The following BCL7C variants were observed in gnomAD, a reference collection of about 807,000 sequenced individuals.
The protein encoded by BCL7C is BAF chromatin remodeling complex subunit BCL7C.
Under a neutral mutation model 26.2 loss-of-function variants are expected in BCL7C, and 8 were observed. That is an observed-to-expected ratio of 0.30 (90% CI 0.18 to 0.55). The LOEUF is 0.55. Among genes scored for constraint, BCL7C ranks in the 20% least tolerant of loss-of-function variants. The pLI, the probability that BCL7C is intolerant of heterozygous loss-of-function variation, is 0.93. For missense variants in BCL7C, 262 were observed against 298.5 expected (o/e 0.88, Z 0.90); for synonymous variants, 90 against 116.5 (o/e 0.77, Z 1.47).
chr16:30,888,808 GATCCCCC>G (rs1260289656), intron 5 of BCL7C, 45 bp downstream of exon 5: 1 of 1,567,874 alleles, frequency 6.4e-7, no homozygotes, highest in Admixed American at 1.7e-5. Flanking sequence ...CGACTGCCCA[GATCCCCC>G]ATTCCCTCCA....
rs868404480 is a variant in BCL7C, at chr16:30,893,672, C to T, written c.92+181G>A. On this transcript the variant is annotated intron_variant, in intron 1 of 5. Coordinates refer to ENST00000215115, the MANE Select transcript of BCL7C (RefSeq NM_004765.4). The surrounding 1 kb of genome is among the most constrained non-coding windows in gnomAD (Gnocchi z 5.2). ...TCTGGGAGGACACGGCTGGGGATCA[C>T]GCTTTGTAGACCCCCAGGAGTAGCC... 6.6e-6 allele frequency among the ~76,000 whole-genome samples: 1 copy of T among 152,060 alleles called. No homozygotes were observed. The highest frequency in any genetic ancestry group is 2.4e-5 in the African/African-American group (1 of 41,416).
At position 30,872,606 on chromosome 16, in the gene BCL7C, T is replaced by C. The variant is rs964613899; in HGVS notation, c.528+16254A>G. Among the ~76,000 whole-genome samples, 12 of 152,246 alleles carry C rather than the reference T, an allele frequency of 7.9e-5. No homozygotes were observed. The South Asian group carries it at 2.1e-3, about 26-fold the overall frequency. On this transcript the variant is annotated intron_variant, in intron 5 of 5. Coordinates refer to the BCL7C transcript ENST00000380317. ...GTCATAAATTGTTTCATAGAAATAT[T>C]TGAATATTTGTTAGAAGAGGTACCC... is the stretch of plus-strand genomic sequence containing the variant.
chr16:30,878,446 G>A (rs1659906763), intron 5 of BCL7C, among the ~76,000 whole-genome samples: 1 of 151,548 alleles, frequency 6.6e-6, no homozygotes, highest in African/African-American at 2.4e-5. Flanking sequence ...GGCTGAGGCA[G>A]GAGAATCACT....
chr16:30,892,664 TG>T lies in BCL7C; in HGVS notation c.363del (p.Ser122AlafsTer31). 1 of 1,613,758 alleles carries T rather than the reference TG, an allele frequency of 6.2e-7. No individual in the cohort carries two copies. On this transcript the variant is annotated frameshift_variant, in exon 4 of 6. Transcript: ENST00000215115. LOFTEE classifies it high-confidence loss of function. ...GGTCCGGCAGGTGACACAGGGCGGCTGGGCTGGGGGGTGCCCCCAGGACTGG... is the reference window on the plus strand; with the variant it reads ...GGTCCGGCAGGTGACACAGGGCGGCTGGCTGGGGGGTGCCCCCAGGACTGG... ...TEPSPGGTPQ[P>X]SRPVSPAGPP...
chr16:30,887,596 A>G (rs920580690), downstream of BCL7C, among the ~76,000 whole-genome samples: 29 of 151,996 alleles, frequency 1.9e-4, no homozygotes, highest in Non-Finnish European at 3.7e-4. Context: ...GAGGAGGTGA[A>G]GGTCGGGAGA....
intron 4 of BCL7C, 88 bp from the exon 5 acceptor site, chr16:30,889,033 C>T (rs1324049302): frequency 2.3e-6 from 3 of 1,320,254 alleles, no homozygotes; most frequent in African/African-American, 1.4e-5. Context: ...TCACAGGCCC[C>T]AGTCACAGAG....
rs775107956 is a variant in BCL7C at position 30,853,546 on chromosome 16, CTTTT to C, written c.529-18402_529-18399del. ...GGAGGTTTGCTTGGCTTCTTTCTTT[CTTTT>C]ATTTTAATCATACATTTGCTTGTAA... On this transcript the variant is annotated intron_variant, in intron 5 of 5. Coordinates refer to the BCL7C transcript ENST00000380317. 3.9e-4 allele frequency among the ~76,000 whole-genome samples: 60 copies of C among 152,284 alleles called. 1 individual carries two copies. The highest frequency in any genetic ancestry group is 6.2e-4 in the Non-Finnish European group (42 of 68,016).
intron 5 of BCL7C, among the ~76,000 whole-genome samples, chr16:30,870,470 G>C (rs1225626769): frequency 6.6e-6 from 1 of 151,888 alleles, no homozygotes; most frequent in East Asian, 1.9e-4. Flanking sequence ...TTTGAGACCA[G>C]TGTGGCCAAC....
intron 5 of BCL7C, among the ~76,000 whole-genome samples, chr16:30,849,013 C>G (rs1173213653): frequency 6.6e-6 from 1 of 151,876 alleles, no homozygotes; most frequent in Non-Finnish European, 1.5e-5. Context: ...CGGTGAAACC[C>G]TGTCTCTACT....
chr16:30,864,965 G>C (rs947073404), intron 5 of BCL7C, among the ~76,000 whole-genome samples: 5 of 151,410 alleles, frequency 3.3e-5, no homozygotes, highest in Admixed American at 6.6e-5. Context: ...TCAGGAGATC[G>C]AGATCATCCT....
intron 5 of BCL7C, chr16:30,875,362 C>G (rs1158602719): frequency 6.6e-6 from 1 of 152,530 alleles, no homozygotes; most frequent in African/African-American, 2.4e-5. Flanking sequence ...GAACACGCGG[C>G]GCGCGCCCGC....
chr16:30,879,445 A>G (rs534605178), intron 5 of BCL7C, among the ~76,000 whole-genome samples: 1 of 152,132 alleles, frequency 6.6e-6, no homozygotes, highest in East Asian at 1.9e-4. Context: ...TCACACAATA[A>G]TCCGGATGAC....
intron 5 of BCL7C, among the ~76,000 whole-genome samples, chr16:30,854,249 C>T (rs578172300): frequency 6.6e-6 from 1 of 152,296 alleles, no homozygotes; most frequent in South Asian, 2.1e-4. Flanking sequence ...GGAGCCTTAT[C>T]AACAATAAGC....
chr16:30,891,462 A>G lies in BCL7C; in HGVS notation c.442+1124T>C, dbSNP rs80259430. ...TGGCAAGAGCGAAACTCTCTCAAAG[A>G]AAAGAAAAAGAGAAAAGAAAAAAAC... On this transcript the variant is annotated intron_variant, in intron 4 of 5. Coordinates refer to ENST00000215115, the MANE Select transcript of BCL7C (RefSeq NM_004765.4). Among the ~76,000 whole-genome samples the G allele has an allele frequency of 6.5e-3, 985 of 152,308 alleles. 2 individuals carry two copies. Among genetic ancestry groups the G allele is most frequent in the Middle Eastern group, 0.02 (6 of 294 alleles).
chr16:30,833,822 C>T (rs1215594776), exon 6 of BCL7C: 1 of 152,160 alleles, frequency 6.6e-6, no homozygotes, highest in African/African-American at 2.4e-5. Context: ...TGTAATTCAC[C>T]AGAGAAAAAT....
At chr16:30,842,351 A>G (rs1406848543) in intron 5 of BCL7C, among the ~76,000 whole-genome samples, 3 of 152,122 alleles carry the variant, frequency 2.0e-5, no homozygotes, top group Admixed American at 6.5e-5. Flanking sequence ...AAGCCACCCA[A>G]TCTGTGGTAC....
At chr16:30,855,439 C>T (rs911844980) in intron 5 of BCL7C, among the ~76,000 whole-genome samples, 1 of 151,974 alleles carries the variant, frequency 6.6e-6, no homozygotes, top group African/African-American at 2.4e-5. Context: ...GATGGGGTTT[C>T]ACCACATTGG....
At chr16:30,846,240 T>TTTATTTATTTATTTA (rs1567308543) in intron 5 of BCL7C, among the ~76,000 whole-genome samples, 2 of 79,020 alleles carry the variant, frequency 2.5e-5, no homozygotes, top group African/African-American at 1.1e-4. Flanking sequence ...TTATTTATTT[T>TTTATTTATTTATTTA]TTGGAGATGG....
chr16:30,852,454 A>G (rs1485939397), intron 5 of BCL7C: 1 of 152,162 alleles, frequency 6.6e-6, no homozygotes, highest in Non-Finnish European at 1.5e-5. Flanking sequence ...GCAAATTTCA[A>G]CAATTACTTT....
Sources: allele counts gnomAD v4.1 joint callset (sites outside exome capture counted in the v4.1 genomes callset), GRCh38; gene constraint gnomAD v4.1.1; non-coding constraint Gnocchi (gnomAD v3.1); transcripts MANE v1.5; gene names NCBI Gene and HGNC (gene_info 2026-07-23, HGNC 2026-07-21).